The following RPL3L variants were observed in gnomAD, a reference collection of about 807,000 sequenced individuals.
RPL3L encodes ribosomal protein L3 like.
RPL3L carries 44 observed loss-of-function variants against 44.5 expected under a neutral mutation model. The observed-to-expected ratio is 0.99, with a 90% confidence interval of 0.78 to 1.27. The LOEUF (loss-of-function observed/expected upper bound fraction) is 1.27, where lower values mean the gene tolerates loss of function less well. Among genes scored for constraint, RPL3L ranks in the 50% most tolerant of loss-of-function variants. RPL3L has a pLI of 0.00. For missense variants in RPL3L, 631 were observed against 569.1 expected (o/e 1.11, Z -1.11); for synonymous variants, 292 against 230.7 (o/e 1.27, Z -2.41).
chr16:1,948,163 T>A (rs1269951215), intron 4 of RPL3L, among the ~76,000 whole-genome samples: 1 of 151,830 alleles, frequency 6.6e-6, no homozygotes, highest in Non-Finnish European at 1.5e-5. Context: ...GGTCTGCATC[T>A]CCTGACCTCA....
chr16:1,952,894 C>T lies in RPL3L; in HGVS notation c.345G>A (p.Arg115=). ...CTCACCAGTCCTTGTAGAATCGGCG[C>T]CGGCACTCATCACTGAGGTGTTCTG... ...IFAEHLSDEC[R]RRFYKDWHKS... The change falls in exon 3 of 10, where the codon CGG becomes CGA. Residue 115 remains arginine, a synonymous_variant. Transcript: ENST00000268661. The T allele has an allele frequency of 5.0e-6, 8 of 1,613,932 alleles. No homozygotes were observed. The highest frequency in any genetic ancestry group is 6.8e-6 in the Non-Finnish European group (8 of 1,179,986).
intron 4 of RPL3L, among the ~76,000 whole-genome samples, chr16:1,949,259 CTTTTTTTT>C (rs58248501): frequency 6.6e-5 from 5 of 75,258 alleles, no homozygotes; most frequent in Admixed American, 1.6e-4. Context: ...TTTTTTTTTT[CTTTTTTTT>C]TTTTTTTTTT....
chr16:1,954,577 C>G, intron 1 of RPL3L, 52 bp downstream of exon 1: 2 of 1,525,274 alleles, frequency 1.3e-6, no homozygotes, highest in Non-Finnish European at 1.8e-6. Flanking sequence ...TGTCCCACCC[C>G]CCCAGAGTTC....
At chr16:1,950,343 C>T (rs940376734) in intron 4 of RPL3L, among the ~76,000 whole-genome samples, 4 of 151,318 alleles carry the variant, frequency 2.6e-5, no homozygotes, top group East Asian at 1.9e-4. Context: ...TACAAGTGTG[C>T]GAGCAGCTGG....
At chr16:1,948,311 C>T (rs1402083382) in intron 4 of RPL3L, among the ~76,000 whole-genome samples, 1 of 152,004 alleles carries the variant, frequency 6.6e-6, no homozygotes, top group East Asian at 1.9e-4. Context: ...GCAACCTCTG[C>T]CTCCCTGAAT....
intron 1 of RPL3L, 112 bp from the exon 2 acceptor site, chr16:1,954,260 G>C (rs955922983): frequency 8.5e-6 from 10 of 1,179,710 alleles, no homozygotes; most frequent in Non-Finnish European, 1.2e-6. Flanking sequence ...ACTGAGGCCT[G>C]TGCTCAGCAC....
In RPL3L at chr16:1,953,990, G is replaced by C. The variant is rs745662014; in HGVS notation, c.162C>G (p.Thr54=). Residue 54 remains threonine, a synonymous_variant, in exon 2 of 10, where the codon ACC becomes ACG. Transcript: ENST00000268661. Reference sequence around the variant, plus strand: ...GCCGGTGCACCTCCCGCAGGGTGTGGGTCATGCCCGCCTTGTAGCCCAGGA... The same window carrying C: ...GCCGGTGCACCTCCCGCAGGGTGTGCGTCATGCCCGCCTTGTAGCCCAGGA... ...TAFLGYKAGM[T]HTLREVHRPG... 2 of 1,593,768 alleles carry C rather than the reference G, an allele frequency of 1.3e-6. No individual in the cohort carries two copies. Among genetic ancestry groups the C allele is most frequent in the Non-Finnish European group, 1.7e-6 (2 of 1,168,264 alleles).
At chr16:1,953,710 C>T (rs1457238012) in intron 2 of RPL3L, among the ~76,000 whole-genome samples, 2 of 152,234 alleles carry the variant, frequency 1.3e-5, no homozygotes, top group East Asian at 3.8e-4. Context: ...CCTGCGCTTA[C>T]CGCCCCGGTG....
intron 4 of RPL3L, among the ~76,000 whole-genome samples, chr16:1,949,794 C>G (rs1354222015): frequency 8.9e-4 from 10 of 11,214 alleles, no homozygotes; most frequent in African/African-American, 3.3e-3. Context: ...CAGGTATGGA[C>G]GGGGCAGGTA....
chr16:1,945,213 G>C (rs1159460488), intron 9 of RPL3L, among the ~76,000 whole-genome samples: 1 of 152,082 alleles, frequency 6.6e-6, no homozygotes, highest in South Asian at 2.1e-4. Flanking sequence ...AAATTAGCCT[G>C]GCGTGGTGGC....
rs762972972 is a variant in RPL3L at position 1,952,950 on chromosome 16, G to C, written c.289C>G (p.Arg97Gly). 3 of 1,613,898 alleles carry C rather than the reference G, an allele frequency of 1.9e-6. No individual in the cohort carries two copies. Among genetic ancestry groups the C allele is most frequent in the South Asian group, 2.2e-5 (2 of 91,074 alleles). Residue 97 changes from arginine to glycine, a missense_variant, in exon 3 of 10, where the codon CGA becomes GGA. By Grantham distance (125) the Arg-to-Gly change is moderately radical. Transcript: ENST00000268661. ...VGVVGYVATPRGLRSFKTIFA... is the reference protein window; with the variant it reads ...VGVVGYVATPGGLRSFKTIFA... ...ATGGTCTTGAAGCTCCGGAGACCTC[G>C]AGGGGTGGCCACGTAGCCCACCACG...
rs1396949295 is a variant in RPL3L, at chr16:1,947,319, CCA to C, written c.561_562del (p.Gly188HisfsTer27). 1 of 1,611,592 alleles carries C rather than the reference CCA, an allele frequency of 6.2e-7. No homozygotes were observed. Among genetic ancestry groups the C allele is most frequent in the Non-Finnish European group, 8.5e-7 (1 of 1,179,530 alleles). ...CCAGGCCACCTTCTCGGCCACCGTG[CCA>C]CCGTTCAGCTGGATCTCCATGATGT... On this transcript the variant is annotated frameshift_variant, in exon 5 of 10. Coordinates refer to ENST00000268661, the MANE Select transcript of RPL3L (RefSeq NM_005061.3). LOFTEE classifies it high-confidence loss of function.
chr16:1,953,965 G>T lies in RPL3L; in HGVS notation c.187C>A (p.Pro63Thr). 6.5e-7 allele frequency: 1 copy of T among 1,538,396 alleles called. No homozygotes were observed. Among genetic ancestry groups the T allele is most frequent in the Non-Finnish European group, 8.8e-7 (1 of 1,136,818 alleles). ...CCCAACTGTGACTCACTGAGCCCCG[G>T]CCGGTGCACCTCCCGCAGGGTGTGG... ...MTHTLREVHRPGLKISKREEV... is the reference protein window; with the variant it reads ...MTHTLREVHRTGLKISKREEV... The change falls in exon 2 of 10, where the codon CCG becomes ACG. Residue 63 changes from proline (P) to threonine (T), a missense_variant. By Grantham distance (38) the Pro-to-Thr change is conservative (BLOSUM62 -1). Coordinates refer to ENST00000268661, the MANE Select transcript of RPL3L (RefSeq NM_005061.3).
intron 3 of RPL3L, among the ~76,000 whole-genome samples, chr16:1,951,705 A>C (rs1397035881): frequency 1.3e-5 from 2 of 150,316 alleles, no homozygotes; most frequent in Non-Finnish European, 3.0e-5. Flanking sequence ...TCTAACCCTC[A>C]GCAGAGTTCT....
At chr16:1,950,199 T>C (rs1304546005) in intron 4 of RPL3L, among the ~76,000 whole-genome samples, 1 of 148,338 alleles carries the variant, frequency 6.7e-6, no homozygotes, top group Non-Finnish European at 1.5e-5. Context: ...CGGGTATGTA[T>C]GGGGCAGGTA....
At chr16:1,951,428 C>G (rs2083171267) in intron 3 of RPL3L, among the ~76,000 whole-genome samples, 1 of 152,106 alleles carries the variant, frequency 6.6e-6, no homozygotes, top group Non-Finnish European at 1.5e-5. Context: ...CTCTCCCAGG[C>G]TGGAGTGCAG....
At chr16:1,953,079 C>A in intron 2 of RPL3L, 37 bp from the exon 3 acceptor site, 1 of 1,553,796 alleles carries the variant, frequency 6.4e-7, no homozygotes, top group South Asian at 1.2e-5. Flanking sequence ...GAAGGGGGAC[C>A]TCCTGAGGCC....
chr16:1,946,324 G>A (rs1597024886), intron 7 of RPL3L, among the ~76,000 whole-genome samples: 2 of 152,346 alleles, frequency 1.3e-5, no homozygotes, highest in East Asian at 1.9e-4. Context: ...GCCTCCAGAG[G>A]AGGCTCGGAG....
intron 4 of RPL3L, among the ~76,000 whole-genome samples, chr16:1,948,281 T>C (rs1278641180): frequency 2.6e-5 from 4 of 151,904 alleles, no homozygotes; most frequent in African/African-American, 7.3e-5. Context: ...TGGAGTACAG[T>C]GGGGCGATCT....
Sources: allele counts gnomAD v4.1 joint callset (sites outside exome capture counted in the v4.1 genomes callset), GRCh38; gene constraint gnomAD v4.1.1; transcripts MANE v1.5; gene names NCBI Gene and HGNC (gene_info 2026-07-23, HGNC 2026-07-21).